SEMA6D: variants seen among roughly 807,000 people sequenced by gnomAD.
SEMA6D encodes the protein semaphorin-6D.
A neutral mutation model predicts 106.6 loss-of-function variants in SEMA6D; 35 were observed. That is an observed-to-expected ratio of 0.33 (90% CI 0.25 to 0.44). The LOEUF (loss-of-function observed/expected upper bound fraction) is 0.44. Ranked by LOEUF, SEMA6D falls within the 20% of genes least tolerant of loss-of-function variation. The pLI is 1.00. For synonymous variants in SEMA6D, 499 were observed against 487.7 expected, an observed-to-expected ratio of 1.02 and a Z score of -0.31; for missense variants, 1,185 against 1,345.9, an observed-to-expected ratio of 0.88 and a Z score of 1.87.
At position 47,632,501 on chromosome 15, in the gene SEMA6D, AT is replaced by A. The variant is rs2077310860; in HGVS notation, c.-55+31606del. Among the ~76,000 whole-genome samples the A allele has an allele frequency of 1.3e-5, 2 of 149,124 alleles. 1 individual carries two copies. The highest frequency in any genetic ancestry group is 3.0e-5 in the Non-Finnish European group (2 of 66,344). On this transcript the variant is annotated intron_variant, in intron 4 of 19. Transcript: ENST00000558014. ...TTATATGTACACATTTATAATCATT[AT>A]GTCTTCCTGAAGAATTAATCTCTCT...
chr15:47,678,207 G>A (rs552177128), intron 4 of SEMA6D, among the ~76,000 whole-genome samples: 3 of 152,264 alleles, frequency 2.0e-5, no homozygotes, highest in African/African-American at 7.2e-5. Context: ...GGGCAGAAGA[G>A]TACAAATTAT....
At chr15:47,217,573 G>T (rs2141311938) in intron 1 of SEMA6D, among the ~76,000 whole-genome samples, 1 of 151,126 alleles carries the variant, frequency 6.6e-6, no homozygotes, top group Non-Finnish European at 1.5e-5. Flanking sequence ...ACGGGTGTGT[G>T]TGTGTGTGTG....
intron 1 of SEMA6D, among the ~76,000 whole-genome samples, chr15:47,185,262 A>G (rs1893482536): frequency 6.6e-6 from 1 of 152,234 alleles, no homozygotes; most frequent in South Asian, 2.1e-4. Context: ...GGAGCTCGGA[A>G]GAGCAAACGT....
chr15:47,586,391 CT>C, intron 3 of SEMA6D, among the ~76,000 whole-genome samples: 1 of 152,096 alleles, frequency 6.6e-6, no homozygotes, highest in Non-Finnish European at 1.5e-5. Context: ...CATGGTCTTG[CT>C]TCATGTCGTT....
intron 3 of SEMA6D, among the ~76,000 whole-genome samples, chr15:47,492,454 T>C (rs1053246427): frequency 6.6e-5 from 10 of 152,192 alleles, no homozygotes; most frequent in African/African-American, 2.4e-4. Flanking sequence ...AAATTGCTTG[T>C]CCCAGCTCTT....
At chr15:47,299,046 C>T (rs967197832) in intron 1 of SEMA6D, among the ~76,000 whole-genome samples, 7 of 151,950 alleles carry the variant, frequency 4.6e-5, no homozygotes, top group Non-Finnish European at 7.4e-5. Flanking sequence ...CAAAGAAGTC[C>T]GGAGAAGAGA....
chr15:47,203,388 A>C (rs925999066), intron 1 of SEMA6D, among the ~76,000 whole-genome samples: 1 of 152,186 alleles, frequency 6.6e-6, no homozygotes, highest in Non-Finnish European at 1.5e-5. Flanking sequence ...TCACTGGAAA[A>C]GAGAAGAGAC....
chr15:47,230,066 G>T (rs62013980), intron 1 of SEMA6D, among the ~76,000 whole-genome samples: 1,846 of 151,848 alleles, frequency 0.012, 43 homozygotes, highest in Admixed American at 0.012. Flanking sequence ...GCTAATTTTG[G>T]CAACTCTCTT....
intron 1 of SEMA6D, among the ~76,000 whole-genome samples, chr15:47,279,063 G>A (rs2034975655): frequency 1.3e-5 from 1 of 78,960 alleles, no homozygotes; most frequent in African/African-American, 5.1e-5. Context: ...CTCCAGCTTT[G>A]TTCTTTTGGC....
chr15:47,538,169 T>G (rs1287803857), intron 3 of SEMA6D, among the ~76,000 whole-genome samples: 1 of 152,166 alleles, frequency 6.6e-6, no homozygotes, highest in African/African-American at 2.4e-5. Flanking sequence ...ACTATAGTAA[T>G]TTGATAGAAG....
chr15:47,422,093 A>T (rs1200187514), intron 2 of SEMA6D, among the ~76,000 whole-genome samples: 6 of 149,088 alleles, frequency 4.0e-5, no homozygotes, highest in African/African-American at 1.5e-4. Context: ...TCCATTGTTT[A>T]TTTTTTTTTC....
At chr15:47,315,032 A>AT (rs1269932746) in intron 1 of SEMA6D, among the ~76,000 whole-genome samples, 1 of 150,292 alleles carries the variant, frequency 6.7e-6, no homozygotes, top group African/African-American at 2.4e-5. Context: ...CGCCCGGCTA[A>AT]TTTTTTTGTA....
intron 3 of SEMA6D, among the ~76,000 whole-genome samples, chr15:47,471,974 C>CACACAT (rs71432244): frequency 2.1e-5 from 3 of 140,710 alleles, no homozygotes; most frequent in Non-Finnish European, 3.1e-5. Flanking sequence ...CACACACACA[C>CACACAT]GAAAAAGAGA....
chr15:47,730,581 T>C (rs1480499513), intron 1 of SEMA6D: 2 of 1,503,648 alleles, frequency 1.3e-6, no homozygotes, highest in Non-Finnish European at 1.8e-6. Context: ...CCAGCAGCTT[T>C]CTTCTCGGCC....
Position 47,760,361 on chromosome 15 carries a change from G to C in SEMA6D, c.167G>C (p.Arg56Thr). Residue 56 changes from arginine to threonine, a missense_variant, in exon 3 of 19, where the codon AGG becomes ACG. Transcript: ENST00000536845. ...CCTTCAGGCAATGAATCGCAGCACA[G>C]GCTGGACTTTCAGCTGATGTTGAAA... ...GRPSGNESQHRLDFQLMLKIR... is the reference protein window; with the variant it reads ...GRPSGNESQHTLDFQLMLKIR... The C allele has an allele frequency of 6.2e-7, 1 of 1,613,708 alleles. No homozygotes were observed. The highest frequency in any genetic ancestry group is 1.1e-5 in the South Asian group (1 of 91,074).
chr15:47,765,201 C>A (rs774503518), intron 13 of SEMA6D, 145 bp downstream of exon 13: 3 of 1,422,278 alleles, frequency 2.1e-6, no homozygotes, highest in Non-Finnish European at 2.7e-6. Context: ...TGAAATAAAT[C>A]TTGGGTTTGT....
At chr15:47,449,682 T>C (rs2042131235) in intron 2 of SEMA6D, among the ~76,000 whole-genome samples, 1 of 152,100 alleles carries the variant, frequency 6.6e-6, no homozygotes, top group African/African-American at 2.4e-5. Flanking sequence ...GAATTTGAGA[T>C]TCTCCATGCC....
At chr15:47,658,772 A>G (rs957918488) in intron 4 of SEMA6D, among the ~76,000 whole-genome samples, 2 of 152,182 alleles carry the variant, frequency 1.3e-5, no homozygotes, top group Non-Finnish European at 2.9e-5. Context: ...CTTAAATTAT[A>G]TTAAGCAAAT....
chr15:47,504,271 C>A (rs2043960730), intron 3 of SEMA6D, among the ~76,000 whole-genome samples: 1 of 152,170 alleles, frequency 6.6e-6, no homozygotes, highest in Non-Finnish European at 1.5e-5. Context: ...GGCAGACCAG[C>A]CAGCCAGGAC....
Sources: gnomAD v4.1 joint callset for allele counts (sites outside exome capture counted in the v4.1 genomes callset) on GRCh38, gnomAD v4.1.1 for gene constraint, MANE v1.5 for transcripts, NCBI Gene and HGNC (gene_info 2026-07-23, HGNC 2026-07-21) for gene names.